Variants in DCHS1 observed in about 807,000 individuals in gnomAD.
DCHS1 encodes dachsous cadherin-related 1, also known as protocadherin-16.
Under a neutral mutation model 213.9 loss-of-function variants are expected in DCHS1, and 78 were observed. The ratio of observed to expected loss-of-function variants is 0.36; its 90% CI spans 0.30 to 0.44. The LOEUF is 0.44. DCHS1 is among the 20% of genes least tolerant of loss of function. DCHS1 has a pLI of 1.00. For synonymous variants in DCHS1, 1,828 were observed against 1,873.7 expected (o/e 0.98, Z 0.63); for missense variants, 3,946 against 4,395.9 (o/e 0.90, Z 2.89).
intron 1 of DCHS1, among the ~76,000 whole-genome samples, chr11:6,651,129 G>A (rs551450248): frequency 6.6e-6 from 1 of 152,288 alleles, no homozygotes; most frequent in East Asian, 1.9e-4. Flanking sequence ...CCATCAAGGA[G>A]GTCCCAGCGC....
In DCHS1 at chr11:6,641,001, G is replaced by A. The variant is rs770619513; in HGVS notation, c.613C>T (p.Pro205Ser). Residue 205 changes from proline to serine, a missense_variant, in exon 2 of 21, where the codon CCT (proline) becomes TCT (serine). By Grantham distance (74) the Pro-to-Ser change is moderately conservative. Around this residue, in one of 3 missense-constraint regions of DCHS1, gnomAD observed 3,384 missense variants for 3,780.1 expected, o/e 0.90. Transcript: ENST00000299441. This position sits in a 1 kb window ranked among gnomAD's most constrained non-coding sequence, Gnocchi z 7.1. ...TRPGPDGTPV[P>S]ELVVTGELDR... ...AGTTCCCCAGTAACTACCAGCTCAG[G>A]TACTGGAGTCCCATCTGGACCGGGG... The A allele has an allele frequency of 1.9e-6, 3 of 1,614,008 alleles. No individual in the cohort carries two copies. The highest frequency in any genetic ancestry group is 1.7e-6 in the Non-Finnish European group (2 of 1,179,896).
Position 6,625,586 on chromosome 11 carries a change from C to A in DCHS1, c.6862+11G>T. On this transcript the variant is annotated intron_variant, in intron 18 of 20. Coordinates refer to ENST00000299441, the MANE Select transcript of DCHS1 (RefSeq NM_003737.4). The surrounding 1 kb of genome is among the most constrained non-coding windows in gnomAD (Gnocchi z 5.3). The stretch of plus-strand genomic sequence containing the variant: ...GCCACCCTTTATGCCACCCACTTTA[C>A]CCAGCCTCACCTTCTGACACTCGGA... The A allele has an allele frequency of 1.2e-6, 2 of 1,613,578 alleles. No individual in the cohort carries two copies. Among genetic ancestry groups the A allele is most frequent in the Non-Finnish European group, 1.7e-6 (2 of 1,179,828 alleles).
rs148882462 is a variant in DCHS1 at position 6,630,047 on chromosome 11, G to A, written c.4747C>T (p.Arg1583Trp). ...TGGCCGTCCCCGCCAGATGCCAGCC[G>A]ATAGGACACGCGTGCAGCCTCGCCC... ...DLGEAARVSYRLASGGDGHFR... is the reference protein window; with the variant it reads ...DLGEAARVSYWLASGGDGHFR... Residue 1583 changes from arginine (R) to tryptophan (W), a missense_variant, in exon 10 of 21, where the codon CGG (arginine) becomes TGG (tryptophan). This residue lies in a region of DCHS1 where 3,384 missense variants were observed against 3,780.1 expected (regional missense o/e 0.90). Transcript: ENST00000299441. The A allele has an allele frequency of 1.9e-6, 3 of 1,559,974 alleles. No homozygotes were observed. In the African/African-American group the frequency reaches 4.1e-5, roughly 21 times the overall value.
Position 6,625,543 on chromosome 11 carries a change from G to A in DCHS1, c.6862+54C>T. ...ACAGCCCCACCTTGAGCTGCAGGGT[G>A]GAGAAAAATGTCTCTCTGCCACCCT... On this transcript the variant is annotated intron_variant, in intron 18 of 20. Transcript: ENST00000299441. This position sits in a 1 kb window ranked among gnomAD's most constrained non-coding sequence, Gnocchi z 5.3. 3 of 1,611,674 alleles carry A rather than the reference G, an allele frequency of 1.9e-6. No individual in the cohort carries two copies. The highest frequency in any genetic ancestry group is 2.2e-5 in the East Asian group (1 of 44,886).
Position 6,632,087 on chromosome 11 carries a change from T to C in DCHS1, c.3425A>G (p.Tyr1142Cys). The C allele has an allele frequency of 6.5e-7, 1 of 1,544,504 alleles. No homozygotes were observed. The highest frequency in any genetic ancestry group is 8.8e-7 in the Non-Finnish European group (1 of 1,142,136). Residue 1142 changes from tyrosine (Y) to cysteine (C), a missense_variant, in exon 6 of 21, where the codon TAC becomes TGC. Physicochemically the swap from Tyr to Cys is radical, Grantham distance 194 (BLOSUM62 -2). Around this residue, in one of 3 missense-constraint regions of DCHS1, gnomAD observed 3,384 missense variants for 3,780.1 expected, o/e 0.90. Coordinates refer to ENST00000299441, the MANE Select transcript of DCHS1 (RefSeq NM_003737.4). The surrounding 1 kb of genome is among the most constrained non-coding windows in gnomAD (Gnocchi z 5.9). ...GTCTTCAGACAGCTGTTGCAGGCTG[T>C]AGGTCAGACGTCCATTGGGTCCTGA... ...RDSGPNGRLT[Y>C]SLQQLSEDSK...
rs1855716437 is a variant in DCHS1, at chr11:6,622,665, T to G, written c.9011A>C (p.His3004Pro). Reference protein sequence around the residue: ...PSPPPSEHLYHQTLPSYGGPG... With the variant: ...PSPPPSEHLYPQTLPSYGGPG... ...CCCACCATAGCTGGGAAGAGTCTGG[T>G]GATAGAGGTGCTCAGAGGGTGGTGG... Residue 3004 changes from histidine (H) to proline (P), a missense_variant, in exon 21 of 21, where the codon CAC becomes CCC. Physicochemically the swap from His to Pro is moderately conservative, Grantham distance 77 (BLOSUM62 -2). Coordinates refer to ENST00000299441, the MANE Select transcript of DCHS1 (RefSeq NM_003737.4). The surrounding 1 kb of genome is among the most constrained non-coding windows in gnomAD (Gnocchi z 5.4). 1 of 1,593,742 alleles carries G rather than the reference T, an allele frequency of 6.3e-7. No individual in the cohort carries two copies. Among genetic ancestry groups the G allele is most frequent in the Non-Finnish European group, 8.5e-7 (1 of 1,170,504 alleles).
Position 6,626,513 on chromosome 11 carries a change from T to C in DCHS1, c.6364+39A>G, listed in dbSNP as rs1444957695. On this transcript the variant is annotated intron_variant, in intron 15 of 20. Coordinates refer to ENST00000299441, the MANE Select transcript of DCHS1 (RefSeq NM_003737.4). This position sits in a 1 kb window ranked among gnomAD's most constrained non-coding sequence, Gnocchi z 5.2. ...TGATGCAAAGAACCTGCTTCCCCAG[T>C]AGCCTGTCCTGCACAGAGCCCCTGC... 6.2e-7 allele frequency: 1 copy of C among 1,609,806 alleles called. No homozygotes were observed. Among genetic ancestry groups the C allele is most frequent in the East Asian group, 2.2e-5 (1 of 44,858 alleles).
intron 1 of DCHS1, among the ~76,000 whole-genome samples, chr11:6,649,614 T>C (rs551959148): frequency 1.3e-5 from 2 of 152,238 alleles, no homozygotes; most frequent in African/African-American, 2.4e-5. Flanking sequence ...CCAAATGCCA[T>C]ACTAAGCCCT....
chr11:6,650,888 C>T (rs1014962829), intron 1 of DCHS1, among the ~76,000 whole-genome samples: 18 of 151,980 alleles, frequency 1.2e-4, no homozygotes, highest in African/African-American at 4.4e-4. Flanking sequence ...TCGAGGGAGA[C>T]GAAGGAAGAA....
At position 6,631,109 on chromosome 11, in the gene DCHS1, T is replaced by G; in HGVS notation, c.3874A>C (p.Ser1292Arg). 6.2e-7 allele frequency: 1 copy of G among 1,613,326 alleles called. No individual in the cohort carries two copies. Among genetic ancestry groups the G allele is most frequent in the Non-Finnish European group, 8.5e-7 (1 of 1,179,502 alleles). Residue 1292 changes from serine to arginine, a missense_variant, in exon 9 of 21, where the codon AGT becomes CGT. By Grantham distance (110) the Ser-to-Arg change is moderately radical. This residue lies in a region of DCHS1 where 3,384 missense variants were observed against 3,780.1 expected (regional missense o/e 0.90). Transcript: ENST00000299441. Reference sequence around the variant, plus strand: ...GGAGGGCTGCCTTGGTCATGAGCACTCAGTGTCAGCACATAGTGGGGCCGC... The same window carrying G: ...GGAGGGCTGCCTTGGTCATGAGCACGCAGTGTCAGCACATAGTGGGGCCGC... ...AERPHYVLTL[S>R]AHDQGSPPRS...
At chr11:6,643,695 G>A (rs1662492439) in intron 1 of DCHS1, among the ~76,000 whole-genome samples, 1 of 152,162 alleles carries the variant, frequency 6.6e-6, no homozygotes, top group African/African-American at 2.4e-5. Flanking sequence ...CATGCCTTCA[G>A]TTCAAAGGTA....
At position 6,641,789 on chromosome 11, in the gene DCHS1, T is replaced by A; in HGVS notation, c.-120-56A>T. 2.2e-6 allele frequency: 3 copies of A among 1,382,738 alleles called. No homozygotes were observed. The highest frequency in any genetic ancestry group is 2.8e-6 in the Non-Finnish European group (3 of 1,054,006). The allele number at this position is 1,382,738 out of a possible 1,614,324, so 85.7% of individuals were successfully genotyped here. ...ACAGAGGAGGGATCAGCAGTCCAGATAACCTGGACGAGGCCACATCAACAT... is the reference window on the plus strand; with the variant it reads ...ACAGAGGAGGGATCAGCAGTCCAGAAAACCTGGACGAGGCCACATCAACAT... On this transcript the variant is annotated intron_variant, in intron 1 of 20. Coordinates refer to ENST00000299441, the MANE Select transcript of DCHS1 (RefSeq NM_003737.4). The surrounding 1 kb of genome is among the most constrained non-coding windows in gnomAD (Gnocchi z 7.1).
At position 6,626,720 on chromosome 11, in the gene DCHS1, G is replaced by T. The variant is rs7108452; in HGVS notation, c.6251-55C>A. The T allele has an allele frequency of 8.3e-3, 13,387 of 1,610,584 alleles. 960 individuals are homozygous for T. In the African/African-American group the frequency reaches 0.15, roughly 19 times the overall value. On this transcript the variant is annotated intron_variant, in intron 14 of 20. Transcript: ENST00000299441. The surrounding 1 kb of genome is among the most constrained non-coding windows in gnomAD (Gnocchi z 5.2). The stretch of plus-strand genomic sequence containing the variant: ...GAGCGCGAGACTGGGAGAGTTTGGG[G>T]GACATTTTCAAAGCACAACCCCAGC...
chr11:6,655,531 G>A (rs2134668214), intron 1 of DCHS1, 32 bp downstream of exon 1: 1 of 979,372 alleles, frequency 1.0e-6, no homozygotes. Context: ...GGCGGGCGCG[G>A]CCAGACGGGC....
chr11:6,631,475 C>G, intron 7 of DCHS1, 68 bp from the exon 8 acceptor site: 1 of 1,607,106 alleles, frequency 6.2e-7, no homozygotes, highest in Non-Finnish European at 8.5e-7. Flanking sequence ...TAAAGCTTCC[C>G]TCACCTGTGG....
rs1855705079 is a variant in DCHS1, at chr11:6,622,184, G to T, written c.9492C>A (p.Asp3164Glu). 1 of 1,608,630 alleles carries T rather than the reference G, an allele frequency of 6.2e-7. No homozygotes were observed. Residue 3164 changes from aspartate (D) to glutamate (E), a missense_variant, in exon 21 of 21, where the codon GAC becomes GAA. Around this residue, in one of 3 missense-constraint regions of DCHS1, gnomAD observed 554 missense variants for 590.2 expected, o/e 0.94. Transcript: ENST00000299441. This position sits in a 1 kb window ranked among gnomAD's most constrained non-coding sequence, Gnocchi z 5.4. Reference protein sequence around the residue: ...EEELRGSYNWDYLLSWCPQFQ... With the variant: ...EEELRGSYNWEYLLSWCPQFQ... The stretch of plus-strand genomic sequence containing the variant: ...ACTGAGGGCACCAGCTCAGCAGGTA[G>T]TCCCAGTTATAGCTGCCACGGAGCT...
intron 1 of DCHS1, among the ~76,000 whole-genome samples, chr11:6,650,626 G>A (rs189427384): frequency 1.1e-3 from 161 of 152,274 alleles, no homozygotes; most frequent in Non-Finnish European, 1.8e-3. Flanking sequence ...AGGAGTTGGA[G>A]GGCTCAGGGT....
intron 2 of DCHS1, among the ~76,000 whole-genome samples, chr11:6,639,396 G>A (rs1856032742): frequency 6.6e-6 from 1 of 152,088 alleles, no homozygotes; most frequent in Non-Finnish European, 1.5e-5. Context: ...CAGCTCTGAG[G>A]GCAGGGATGA....
chr11:6,631,913 G>A, intron 6 of DCHS1, 104 bp from the exon 7 acceptor site: 2 of 1,447,618 alleles, frequency 1.4e-6, no homozygotes, highest in Non-Finnish European at 1.8e-6. Context: ...GGGAATGCCA[G>A]GGCTAAATCC....
Sources: allele counts gnomAD v4.1 joint callset (sites outside exome capture counted in the v4.1 genomes callset), GRCh38; gene constraint gnomAD v4.1.1; regional missense constraint gnomAD v4.1.1; non-coding constraint Gnocchi (gnomAD v3.1); transcripts MANE v1.5; gene names NCBI Gene and HGNC (gene_info 2026-07-23, HGNC 2026-07-21).